Variants in SORCS1 observed in about 807,000 individuals in gnomAD.
SORCS1 encodes sortilin related VPS10 domain containing receptor 1.
SORCS1 carries 60 observed loss-of-function variants against 146.1 expected under a neutral mutation model. That is an observed-to-expected ratio of 0.41 (90% CI 0.33 to 0.51). The LOEUF is 0.51. SORCS1 is among the 20% of genes least tolerant of loss of function. SORCS1 has a pLI of 0.21. For missense variants in SORCS1, 1,352 were observed against 1,487.6 expected (o/e 0.91, Z 1.50); for synonymous variants, 637 against 584.0 (o/e 1.09, Z -1.31).
At chr10:106,779,847 ATGACT>A (rs1860757452) in intron 3 of SORCS1, among the ~76,000 whole-genome samples, 1 of 152,202 alleles carries the variant, frequency 6.6e-6, no homozygotes. Flanking sequence ...GTTAACACAC[ATGACT>A]GTATAATGTA....
At chr10:107,112,652 A>G (rs1483905113) in intron 1 of SORCS1, among the ~76,000 whole-genome samples, 1 of 152,176 alleles carries the variant, frequency 6.6e-6, no homozygotes, top group Non-Finnish European at 1.5e-5. Flanking sequence ...TTAAGCCTTA[A>G]GGACAAACAT....
intron 5 of SORCS1, among the ~76,000 whole-genome samples, chr10:106,755,262 CT>C (rs1858548058): frequency 6.6e-6 from 1 of 152,138 alleles, no homozygotes; most frequent in Non-Finnish European, 1.5e-5. Flanking sequence ...TTTCTCCTGT[CT>C]TTTATTGGAG....
intron 5 of SORCS1, among the ~76,000 whole-genome samples, chr10:106,737,736 G>A (rs1012852520): frequency 1.3e-5 from 2 of 152,126 alleles, no homozygotes; most frequent in Non-Finnish European, 2.9e-5. Context: ...TATGTGGGGG[G>A]TCTAGAGAGA....
intron 3 of SORCS1, among the ~76,000 whole-genome samples, chr10:106,822,229 T>A (rs1948072544): frequency 6.6e-6 from 1 of 152,226 alleles, no homozygotes; most frequent in South Asian, 2.1e-4. Flanking sequence ...TTAGCATTTT[T>A]AAATTTATGA....
At chr10:106,883,484 G>A (rs551269294) in intron 2 of SORCS1, among the ~76,000 whole-genome samples, 18 of 150,122 alleles carry the variant, frequency 1.2e-4, no homozygotes, top group African/African-American at 3.9e-4. Flanking sequence ...GCACGATCTC[G>A]GCTCACTGCA....
intron 3 of SORCS1, among the ~76,000 whole-genome samples, chr10:106,781,562 C>T (rs1538418): frequency 0.24 from 36,483 of 152,084 alleles, 4,733 homozygotes; most frequent in Non-Finnish European, 0.29. Flanking sequence ...TTATCTACTG[C>T]TACCCACTTT....
intron 24 of SORCS1, among the ~76,000 whole-genome samples, chr10:106,581,557 T>C (rs1222773532): frequency 3.3e-5 from 5 of 151,990 alleles, no homozygotes; most frequent in Non-Finnish European, 1.5e-5. Context: ...CATATATGCA[T>C]ATGTGTATAT....
chr10:106,623,598 T>A (rs1337972984), intron 19 of SORCS1, among the ~76,000 whole-genome samples: 2 of 152,148 alleles, frequency 1.3e-5, no homozygotes, highest in Non-Finnish European at 2.9e-5. Flanking sequence ...TATGTCATTG[T>A]CTCAATGAAA....
intron 3 of SORCS1, among the ~76,000 whole-genome samples, chr10:106,789,741 G>A (rs1324956079): frequency 6.6e-6 from 1 of 152,160 alleles, no homozygotes; most frequent in African/African-American, 2.4e-5. Context: ...TGCCTGTTAT[G>A]CAGTTTCAAT....
the SORCS1 span, among the ~76,000 whole-genome samples, chr10:107,179,955 C>CCT: frequency 3.5e-5 from 4 of 113,396 alleles, no homozygotes; most frequent in African/African-American, 9.9e-5. Flanking sequence ...CTCTCTCTGT[C>CCT]ACCCAGGCTA....
intron 1 of SORCS1, among the ~76,000 whole-genome samples, chr10:107,094,496 A>C (rs949086921): frequency 6.6e-6 from 1 of 152,232 alleles, no homozygotes; most frequent in African/African-American, 2.4e-5. Context: ...TATAATTGCA[A>C]AAAAGGGGGA....
intron 1 of SORCS1, among the ~76,000 whole-genome samples, chr10:106,973,394 A>T (rs1955869821): frequency 6.6e-6 from 1 of 151,930 alleles, no homozygotes; most frequent in Non-Finnish European, 1.5e-5. Context: ...GAAACCCAAC[A>T]CCCTGTCTGC....
intron 17 of SORCS1, among the ~76,000 whole-genome samples, chr10:106,660,052 C>G (rs1276487310): frequency 6.6e-6 from 1 of 152,040 alleles, no homozygotes; most frequent in East Asian, 1.9e-4. Context: ...ACACATGCAC[C>G]ATTTTTAGGG....
At chr10:107,045,872 C>T (rs552233258) in intron 1 of SORCS1, among the ~76,000 whole-genome samples, 48 of 150,162 alleles carry the variant, frequency 3.2e-4, no homozygotes, top group Admixed American at 1.5e-3. Flanking sequence ...CAACTTTGAA[C>T]GCCTGAGCTC....
At chr10:106,711,128 T>C (rs1048235565) in intron 6 of SORCS1, among the ~76,000 whole-genome samples, 5 of 152,254 alleles carry the variant, frequency 3.3e-5, no homozygotes, top group Admixed American at 1.3e-4. Flanking sequence ...TGTTATTCAC[T>C]GTTGTGTCCA....
chr10:106,808,369 T>A (rs1947291452), intron 3 of SORCS1, among the ~76,000 whole-genome samples: 1 of 152,208 alleles, frequency 6.6e-6, no homozygotes, highest in Non-Finnish European at 1.5e-5. Context: ...CATCCCTTTG[T>A]GTTTGTGACC....
chr10:107,102,785 GAGTATAT>G (rs1449798711), intron 1 of SORCS1, among the ~76,000 whole-genome samples: 2 of 152,106 alleles, frequency 1.3e-5, no homozygotes, highest in Non-Finnish European at 2.9e-5. Context: ...GTATTTTAAA[GAGTATAT>G]AGTATAACAT....
Position 106,994,685 on chromosome 10 carries a change from G to A in SORCS1, c.559-38105C>T, listed in dbSNP as rs181307445. ...TTCAATTTAAATTTTGCTGGCAAAC[G>A]TGCTATTTAGCATTACTTGAATGTG... On this transcript the variant is annotated intron_variant, in intron 1 of 25. Transcript: ENST00000263054. Among the ~76,000 whole-genome samples the A allele has an allele frequency of 9.8e-5, 15 of 152,308 alleles. No homozygotes were observed. The East Asian group carries it at 2.5e-3, about 25-fold the overall frequency.
At chr10:106,797,896 G>A (rs946808500) in intron 3 of SORCS1, among the ~76,000 whole-genome samples, 2 of 152,088 alleles carry the variant, frequency 1.3e-5, no homozygotes, top group Admixed American at 6.6e-5. Context: ...AAAACTAACC[G>A]TAGGCAGAGA....
Sources: gnomAD v4.1 joint callset for allele counts (sites outside exome capture counted in the v4.1 genomes callset) on GRCh38, gnomAD v4.1.1 for gene constraint, MANE v1.5 for transcripts, NCBI Gene and HGNC (gene_info 2026-07-23, HGNC 2026-07-21) for gene names.